The following CSMD3 variants were observed in gnomAD, a reference collection of about 807,000 sequenced individuals.
CSMD3 encodes CUB and sushi domain-containing protein 3.
A neutral mutation model predicts 435.2 loss-of-function variants in CSMD3; 177 were observed. The observed-to-expected ratio is 0.41, with a 90% confidence interval of 0.36 to 0.46. CSMD3 has a LOEUF of 0.46. Among genes scored for constraint, CSMD3 ranks in the 20% least tolerant of loss-of-function variants. The probability of loss-of-function intolerance (pLI) is 0.34; values close to 1 mark genes in which losing one functional copy is unlikely to be tolerated. For synonymous variants in CSMD3, 1,656 were observed against 1,520.5 expected, an observed-to-expected ratio of 1.09 and a Z score of -2.07; for missense variants, 4,265 against 4,504.6, an observed-to-expected ratio of 0.95 and a Z score of 1.52.
chr8:112,469,489 C>T (rs1021684079), intron 32 of CSMD3, among the ~76,000 whole-genome samples: 2 of 152,150 alleles, frequency 1.3e-5, no homozygotes, highest in Non-Finnish European at 2.9e-5. Context: ...TGGTTCCCAA[C>T]CTTTTTGGCA....
Position 112,425,089 on chromosome 8 carries a change from A to T in CSMD3, c.5396-16057T>A, listed in dbSNP as rs138198044. ...ACTTCTCAGTTGTTAGTTGTTAAAA[A>T]TTCTTTACAGTTAAATGATGCTGGA... On this transcript the variant is annotated intron_variant, in intron 32 of 70. Transcript: ENST00000297405. 2.4e-3 allele frequency among the ~76,000 whole-genome samples: 372 copies of T among 152,362 alleles called. 2 individuals carry two copies. Among genetic ancestry groups the T allele is most frequent in the African/African-American group, 7.3e-3 (305 of 41,594 alleles).
intron 16 of CSMD3, among the ~76,000 whole-genome samples, chr8:112,679,718 A>G (rs1041436137): frequency 6.6e-6 from 1 of 152,306 alleles, no homozygotes; most frequent in Non-Finnish European, 1.5e-5. Flanking sequence ...GGCACCAAGC[A>G]ACCCCAAAAC....
chr8:112,927,971 C>A (rs1469870341), intron 9 of CSMD3, among the ~76,000 whole-genome samples: 2 of 152,164 alleles, frequency 1.3e-5, no homozygotes, highest in Non-Finnish European at 2.9e-5. Context: ...TATTTAATAA[C>A]CCCAAGCTTG....
intron 10 of CSMD3, among the ~76,000 whole-genome samples, chr8:112,860,192 T>G (rs1379062953): frequency 6.6e-6 from 1 of 151,718 alleles, no homozygotes; most frequent in East Asian, 1.9e-4. Context: ...CAAGTCTTGT[T>G]TTTTACATCA....
intron 1 of CSMD3, among the ~76,000 whole-genome samples, chr8:113,372,377 A>G (rs1043975702): frequency 6.6e-6 from 1 of 152,166 alleles, no homozygotes; most frequent in Non-Finnish European, 1.5e-5. Context: ...GATAAATATG[A>G]GTTTTAATCC....
intron 10 of CSMD3, among the ~76,000 whole-genome samples, chr8:112,872,482 A>T (rs188145313): frequency 6.6e-6 from 1 of 152,178 alleles, no homozygotes; most frequent in East Asian, 1.9e-4. Flanking sequence ...TAAATTTGAT[A>T]AAAATGCAGC....
chr8:112,544,721 G>C (rs1361764626), intron 27 of CSMD3, among the ~76,000 whole-genome samples: 2 of 152,162 alleles, frequency 1.3e-5, no homozygotes, highest in African/African-American at 4.8e-5. Context: ...ACAAGGATTG[G>C]TTTTTGTAGA....
rs907249676 is a variant in CSMD3, at chr8:112,576,018, A to G, written c.3886-2361T>C. Among the ~76,000 whole-genome samples, 4 of 151,868 alleles carry G rather than the reference A, an allele frequency of 2.6e-5. No homozygotes were observed. The South Asian group carries it at 8.3e-4, about 31-fold the overall frequency. ...GTGTTCCCCTTAACTTCTCACCAAC[A>G]TATAATTTAATTGCTATGAAAAATA... On this transcript the variant is annotated intron_variant, in intron 23 of 70. Coordinates refer to ENST00000297405, the MANE Select transcript of CSMD3 (RefSeq NM_198123.2).
chr8:112,629,842 G>A (rs1489888487), intron 22 of CSMD3, among the ~76,000 whole-genome samples: 1 of 152,078 alleles, frequency 6.6e-6, no homozygotes, highest in East Asian at 1.9e-4. Flanking sequence ...GTATAGGCAG[G>A]ATCTATGGCT....
chr8:112,434,547 A>G (rs1401620944), intron 32 of CSMD3, among the ~76,000 whole-genome samples: 1 of 152,082 alleles, frequency 6.6e-6, no homozygotes, highest in African/African-American at 2.4e-5. Context: ...CTGTATTGTT[A>G]TTAATATTTG....
intron 13 of CSMD3, among the ~76,000 whole-genome samples, chr8:112,699,486 C>T (rs775431791): frequency 2.0e-5 from 3 of 152,288 alleles, no homozygotes; most frequent in Non-Finnish European, 4.4e-5. Flanking sequence ...AGAAAACTAA[C>T]ATCTGGCAAC....
intron 3 of CSMD3, among the ~76,000 whole-genome samples, chr8:113,212,578 G>A (rs576998069): frequency 2.8e-4 from 42 of 152,096 alleles, no homozygotes; most frequent in Admixed American, 1.8e-3. Context: ...ATGAATTCAC[G>A]TCCTTTGTAG....
intron 4 of CSMD3, among the ~76,000 whole-genome samples, chr8:113,148,795 C>A (rs541594407): frequency 6.6e-6 from 1 of 151,688 alleles, no homozygotes; most frequent in South Asian, 2.1e-4. Flanking sequence ...ATTTTACCTT[C>A]ATAAAAATAA....
At chr8:113,037,108 G>A (rs925342801) in intron 5 of CSMD3, among the ~76,000 whole-genome samples, 1 of 152,000 alleles carries the variant, frequency 6.6e-6, no homozygotes, top group Admixed American at 6.6e-5. Flanking sequence ...GATGTATATT[G>A]CAAATATTGC....
At chr8:112,606,972 G>GAAAAAAAA (rs71309778) in intron 22 of CSMD3, among the ~76,000 whole-genome samples, 7 of 36,638 alleles carry the variant, frequency 1.9e-4, no homozygotes, top group African/African-American at 2.4e-4. Flanking sequence ...CTCAAGCTAT[G>GAAAAAAAA]AAAAAAAAAA....
chr8:112,298,854 T>A (rs1247678354), intron 53 of CSMD3, among the ~76,000 whole-genome samples: 1 of 152,146 alleles, frequency 6.6e-6, no homozygotes, highest in Admixed American at 6.6e-5. Flanking sequence ...CTCCCACATG[T>A]ATTCTGTTGT....
intron 41 of CSMD3, among the ~76,000 whole-genome samples, chr8:112,344,125 G>A (rs1423564130): frequency 1.3e-5 from 2 of 151,974 alleles, no homozygotes; most frequent in African/African-American, 4.8e-5. Context: ...CTTGTGATCT[G>A]CCCGCATCAG....
At chr8:112,672,277 A>C (rs1041601970) in intron 16 of CSMD3, among the ~76,000 whole-genome samples, 1 of 152,040 alleles carries the variant, frequency 6.6e-6, no homozygotes, top group Non-Finnish European at 1.5e-5. Flanking sequence ...AAAAAACACT[A>C]ATCTGTGTGG....
chr8:113,234,920 C>T (rs1359267704), intron 3 of CSMD3, among the ~76,000 whole-genome samples: 2 of 151,962 alleles, frequency 1.3e-5, no homozygotes, highest in African/African-American at 4.8e-5. Flanking sequence ...TGCCTGGAGC[C>T]AAACTAAATG....
Sources: allele counts gnomAD v4.1 joint callset (sites outside exome capture counted in the v4.1 genomes callset), GRCh38; gene constraint gnomAD v4.1.1; transcripts MANE v1.5; gene names NCBI Gene and HGNC (gene_info 2026-07-23, HGNC 2026-07-21).